MRAP2: variants seen among roughly 807,000 people sequenced by gnomAD.
MRAP2 encodes melanocortin-2 receptor accessory protein 2.
Under a neutral mutation model 17.4 loss-of-function variants are expected in MRAP2, and 20 were observed. That is an observed-to-expected ratio of 1.15 (90% CI 0.81 to 1.67). The LOEUF is 1.67. MRAP2 is among the 40% of genes most tolerant of loss of function. MRAP2 has a pLI of 0.00. For missense variants in MRAP2, 238 were observed against 240.0 expected (o/e 0.99, Z 0.05); for synonymous variants, 96 against 88.4 (o/e 1.09, Z -0.48).
At chr6:84,133,591 C>T in the MRAP2 span, among the ~76,000 whole-genome samples, 1 of 152,196 alleles carries the variant, frequency 6.6e-6, no homozygotes, top group African/African-American at 2.4e-5. Context: ...AGCCTTGCTG[C>T]TGCCTTGCAG....
At chr6:84,062,855 A>G (rs1409029434) in intron 2 of MRAP2, 38 bp from the exon 3 acceptor site, 30 of 1,613,276 alleles carry the variant, frequency 1.9e-5, no homozygotes, top group Non-Finnish European at 2.2e-5. Flanking sequence ...GTTTTAAACT[A>G]CTGTGAAATA....
intron 1 of MRAP2, among the ~76,000 whole-genome samples, chr6:84,045,469 A>AT (rs112931042): frequency 2.5e-4 from 38 of 152,166 alleles, no homozygotes; most frequent in African/African-American, 7.9e-4. Context: ...GAAAAAAAAA[A>AT]ATATACACAC....
chr6:84,035,389 C>T, intron 1 of MRAP2: 2 of 982,818 alleles, frequency 2.0e-6, no homozygotes, highest in South Asian at 4.7e-5. Flanking sequence ...AATACTTACG[C>T]CAAACCAACT....
At chr6:84,135,638 G>T in the MRAP2 span, among the ~76,000 whole-genome samples, 34 of 152,142 alleles carry the variant, frequency 2.2e-4, no homozygotes, top group Non-Finnish European at 4.7e-4. Flanking sequence ...TGAGACGGGT[G>T]AATCACTTGA....
chr6:84,144,537 A>G, the MRAP2 span, among the ~76,000 whole-genome samples: 3 of 152,134 alleles, frequency 2.0e-5, no homozygotes, highest in Non-Finnish European at 4.4e-5. Context: ...GTAAGCAACT[A>G]TAAATACAAA....
intron 1 of MRAP2, among the ~76,000 whole-genome samples, chr6:84,039,798 T>C (rs868522230): frequency 2.0e-5 from 3 of 152,330 alleles, no homozygotes; most frequent in African/African-American, 4.8e-5. Flanking sequence ...GAGGGGCTTC[T>C]TAAGGATTAG....
chr6:84,053,183 A>G (rs1199758320), intron 1 of MRAP2, among the ~76,000 whole-genome samples: 1 of 152,158 alleles, frequency 6.6e-6, no homozygotes, highest in African/African-American at 2.4e-5. Flanking sequence ...GACACCCTCC[A>G]TCTTTATTTT....
At chr6:84,035,482 T>C in intron 1 of MRAP2, 1 of 888,872 alleles carries the variant, frequency 1.1e-6, no homozygotes, top group Non-Finnish European at 1.3e-6. Flanking sequence ...TGTGACTCAT[T>C]AGGCTAATGA....
intron 3 of MRAP2, among the ~76,000 whole-genome samples, chr6:84,064,062 A>G (rs1006419373): frequency 6.6e-6 from 1 of 150,784 alleles, no homozygotes; most frequent in African/African-American, 2.5e-5. Flanking sequence ...GAAAAAGAAA[A>G]AAAGTTTTTG....
intron 1 of MRAP2, among the ~76,000 whole-genome samples, chr6:84,051,710 A>G (rs895778935): frequency 9.9e-5 from 15 of 152,136 alleles, no homozygotes; most frequent in Non-Finnish European, 1.9e-4. Context: ...GCAATAGAGT[A>G]AGACCTTGTC....
chr6:84,083,981 A>T (rs1728043886), intron 3 of MRAP2, among the ~76,000 whole-genome samples: 1 of 152,224 alleles, frequency 6.6e-6, no homozygotes, highest in Non-Finnish European at 1.5e-5. Flanking sequence ...GGACCTGTTC[A>T]CATGGCTAAT....
intron 3 of MRAP2, among the ~76,000 whole-genome samples, chr6:84,070,324 A>C (rs1487784559): frequency 1.3e-5 from 2 of 151,998 alleles, no homozygotes; most frequent in Non-Finnish European, 2.9e-5. Flanking sequence ...AGAATTTTTA[A>C]ATTTCTATGT....
At chr6:84,125,303 T>C in the MRAP2 span, 3 of 1,591,770 alleles carry the variant, frequency 1.9e-6, no homozygotes, top group Non-Finnish European at 2.6e-6. Context: ...TCCACATTGC[T>C]GTTATAGTTC....
chr6:84,069,996 T>C (rs1470476514), intron 3 of MRAP2, among the ~76,000 whole-genome samples: 1 of 152,176 alleles, frequency 6.6e-6, no homozygotes, highest in Non-Finnish European at 1.5e-5. Context: ...TTCTTGGTTA[T>C]TCTTGCTAAT....
intron 1 of MRAP2, among the ~76,000 whole-genome samples, chr6:84,053,173 G>A (rs2099490875): frequency 6.6e-6 from 1 of 152,108 alleles, no homozygotes; most frequent in African/African-American, 2.4e-5. Flanking sequence ...CTGAATAGAC[G>A]ACACCCTCCA....
chr6:84,140,854 ACT>A, the MRAP2 span, among the ~76,000 whole-genome samples: 1 of 152,248 alleles, frequency 6.6e-6, no homozygotes. Context: ...AAAATAGCTT[ACT>A]GGTCTAGAGC....
chr6:84,142,836 A>T, the MRAP2 span, among the ~76,000 whole-genome samples: 2 of 152,082 alleles, frequency 1.3e-5, no homozygotes, highest in Non-Finnish European at 2.9e-5. Flanking sequence ...GAAAAGAAAA[A>T]CATGTATTTA....
At chr6:84,097,847 A>G in the MRAP2 span, among the ~76,000 whole-genome samples, 2 of 152,202 alleles carry the variant, frequency 1.3e-5, no homozygotes, top group Admixed American at 1.3e-4. Context: ...ATTATCTTCC[A>G]TGAGAGATGT....
chr6:84,134,937 CACACACACACACACACACAT>C, the MRAP2 span, among the ~76,000 whole-genome samples: 2 of 150,076 alleles, frequency 1.3e-5, no homozygotes, highest in South Asian at 4.2e-4. Flanking sequence ...CACACACACA[CACACACACACACACACACAT>C]ATATAGTGTT....
Sources: allele counts gnomAD v4.1 joint callset (sites outside exome capture counted in the v4.1 genomes callset), GRCh38; gene constraint gnomAD v4.1.1; transcripts MANE v1.5; gene names NCBI Gene and HGNC (gene_info 2026-07-23, HGNC 2026-07-21).